Variants in RNF2 observed in about 807,000 individuals in gnomAD.
The protein encoded by RNF2 is E3 ubiquitin-protein ligase RING2.
RNF2 carries 6 observed loss-of-function variants against 37.2 expected under a neutral mutation model. That is an observed-to-expected ratio of 0.16 (90% CI 0.09 to 0.32). RNF2 has a LOEUF of 0.32. Ranked by LOEUF, RNF2 falls within the 10% of genes least tolerant of loss-of-function variation. RNF2 has a pLI of 1.00. For missense variants in RNF2, 251 were observed against 404.0 expected (o/e 0.62, Z 3.25); for synonymous variants, 133 against 132.7 (o/e 1.00, Z -0.02).
At chr1:185,089,705 T>C (rs1651711026) in intron 2 of RNF2, among the ~76,000 whole-genome samples, 1 of 152,010 alleles carries the variant, frequency 6.6e-6, no homozygotes, top group Non-Finnish European at 1.5e-5. Flanking sequence ...TGGAGACCAA[T>C]GTGAAATTGA....
rs530025697 is a variant in RNF2, at chr1:185,054,598, G to A, written c.-3+8949G>A. ...GCGGCCGCCAGGACCCCGAGGCCAC[G>A]CCTCTAGAGGCGGGGCCTGAATTCC... is the stretch of plus-strand genomic sequence containing the variant. On this transcript the variant is annotated intron_variant, in intron 1 of 6. Transcript: ENST00000367510. Among the ~76,000 whole-genome samples the A allele has an allele frequency of 4.3e-3, 648 of 152,320 alleles. 2 individuals carry two copies. Among genetic ancestry groups the A allele is most frequent in the Middle Eastern group, 6.8e-3 (2 of 294 alleles).
chr1:185,077,717 T>G (rs1367529523), intron 1 of RNF2, among the ~76,000 whole-genome samples: 1 of 149,084 alleles, frequency 6.7e-6, no homozygotes, highest in Admixed American at 6.7e-5. Context: ...TTTGTTTTGT[T>G]TTTTTTTTTT....
intron 1 of RNF2, among the ~76,000 whole-genome samples, chr1:185,077,807 A>G (rs1651221073): frequency 1.4e-5 from 2 of 146,526 alleles, no homozygotes; most frequent in South Asian, 2.1e-4. Flanking sequence ...TCTAATTTCT[A>G]ATGCCTGATT....
At chr1:185,059,235 A>G (rs1444737841) in intron 1 of RNF2, among the ~76,000 whole-genome samples, 1 of 151,774 alleles carries the variant, frequency 6.6e-6, no homozygotes, top group Non-Finnish European at 1.5e-5. Flanking sequence ...GATTAAAAAA[A>G]AAAAACCTCC....
At chr1:185,094,863 A>G (rs1271503126) in intron 4 of RNF2, among the ~76,000 whole-genome samples, 1 of 152,158 alleles carries the variant, frequency 6.6e-6, no homozygotes, top group African/African-American at 2.4e-5. Flanking sequence ...ATAGAAGGAG[A>G]TAATAGTAAA....
intron 1 of RNF2, among the ~76,000 whole-genome samples, chr1:185,081,171 TCAACA>T: frequency 6.6e-6 from 1 of 152,298 alleles, no homozygotes; most frequent in East Asian, 1.9e-4. Context: ...ACCATTACAG[TCAACA>T]CATTTTTGCC....
intron 1 of RNF2, among the ~76,000 whole-genome samples, chr1:185,061,312 A>G (rs909470524): frequency 6.6e-6 from 1 of 151,658 alleles, no homozygotes; most frequent in African/African-American, 2.4e-5. Flanking sequence ...TATTTTTAGT[A>G]GAGACGGGGT....
chr1:185,065,636 C>T (rs142628125), intron 1 of RNF2, among the ~76,000 whole-genome samples: 40 of 152,220 alleles, frequency 2.6e-4, no homozygotes, highest in African/African-American at 8.9e-4. Flanking sequence ...CTGAAGTCAG[C>T]GAGACCACTA....
In RNF2 at chr1:185,098,090, A is replaced by G. The variant is rs1651963674; in HGVS notation, c.483A>G (p.Lys161=). ...QAMNRLQRGK[K]QQIENGSGAE... is the part of the protein sequence containing the mutation. ...TGACTAGACTGCAGCGAGGCAAGAA[A>G]CAACAGATTGAAAATGGTAGTGGAG... Residue 161 remains lysine (K), a synonymous_variant, in exon 5 of 7, where the codon AAA becomes AAG. Coordinates refer to ENST00000367510, the MANE Select transcript of RNF2 (RefSeq NM_007212.4). 12 of 1,614,146 alleles carry G rather than the reference A, an allele frequency of 7.4e-6. No homozygotes were observed. The highest frequency in any genetic ancestry group is 2.2e-5 in the East Asian group (1 of 44,872).
At chr1:185,086,228 G>A (rs1651597073) in intron 1 of RNF2, among the ~76,000 whole-genome samples, 1 of 151,986 alleles carries the variant, frequency 6.6e-6, no homozygotes, top group Admixed American at 6.6e-5. Flanking sequence ...CTTATCGATT[G>A]TTGTTTATCT....
chr1:185,084,246 T>C (rs563004558), intron 1 of RNF2, among the ~76,000 whole-genome samples: 1 of 152,252 alleles, frequency 6.6e-6, no homozygotes, highest in East Asian at 1.9e-4. Context: ...GCTTTAATTG[T>C]TAGCTCAGCC....
intron 1 of RNF2, among the ~76,000 whole-genome samples, chr1:185,057,025 T>G (rs1199228402): frequency 6.6e-6 from 1 of 152,106 alleles, no homozygotes; most frequent in African/African-American, 2.4e-5. Flanking sequence ...TTTTAAAACC[T>G]GGGCTGGGTG....
chr1:185,079,079 C>CTTTTTTTTTTTTTTTTTT (rs58085875), intron 1 of RNF2, among the ~76,000 whole-genome samples: 1 of 130,382 alleles, frequency 7.7e-6, no homozygotes, highest in Non-Finnish European at 1.7e-5. Flanking sequence ...TAGATCTTTT[C>CTTTTTTTTTTTTTTTTTT]TTTTTTTTTT....
intron 1 of RNF2, among the ~76,000 whole-genome samples, chr1:185,087,174 C>G (rs1274607094): frequency 6.6e-6 from 1 of 152,150 alleles, no homozygotes; most frequent in Non-Finnish European, 1.5e-5. Context: ...ATCCATTTAG[C>G]CTGCTATAAA....
chr1:185,052,043 C>T (rs1169548341), intron 1 of RNF2, among the ~76,000 whole-genome samples: 1 of 151,754 alleles, frequency 6.6e-6, no homozygotes, highest in African/African-American at 2.4e-5. Context: ...CAGTGTTAGC[C>T]TTCCCTGCCA....
In RNF2 at chr1:185,089,856, C is replaced by T. The variant is rs180898965; in HGVS notation, c.88-1723C>T. Reference sequence around the variant, plus strand: ...GCCAGCCTGGCCAACATGGTGAAACCCTGTCTCTACTAAAAGTACAAAAAA... The same window carrying T: ...GCCAGCCTGGCCAACATGGTGAAACTCTGTCTCTACTAAAAGTACAAAAAA... On this transcript the variant is annotated intron_variant, in intron 2 of 6. Transcript: ENST00000367510. 3.2e-3 allele frequency among the ~76,000 whole-genome samples: 483 copies of T among 151,898 alleles called. 3 individuals carry two copies. Among genetic ancestry groups the T allele is most frequent in the African/African-American group, 0.011 (457 of 41,478 alleles).
Position 185,070,785 on chromosome 1 carries a change from C to T in RNF2, c.-2-16767C>T, listed in dbSNP as rs189102234. On this transcript the variant is annotated intron_variant, in intron 1 of 6. Coordinates refer to ENST00000367510, the MANE Select transcript of RNF2 (RefSeq NM_007212.4). ...TCCCGAGTAGCTGGGACTGCAGGTG[C>T]CCGCCACCTCGCCGGCTCATTTTTT... Among the ~76,000 whole-genome samples, 866 of 152,026 alleles carry T rather than the reference C, an allele frequency of 5.7e-3. 14 individuals are homozygous for T. The highest frequency in any genetic ancestry group is 0.02 in the African/African-American group (810 of 41,446).
At chr1:185,081,242 G>A (rs768483949) in intron 1 of RNF2, among the ~76,000 whole-genome samples, 1 of 152,102 alleles carries the variant, frequency 6.6e-6, no homozygotes, top group Admixed American at 6.6e-5. Flanking sequence ...TTTGGGATTC[G>A]ATGAACTCTT....
At chr1:185,057,819 A>G (rs868054974) in intron 1 of RNF2, among the ~76,000 whole-genome samples, 1 of 150,982 alleles carries the variant, frequency 6.6e-6, no homozygotes. Flanking sequence ...AAAAAAAAAA[A>G]CAGTAAAACA....
Sources: gnomAD v4.1 joint callset for allele counts (sites outside exome capture counted in the v4.1 genomes callset) on GRCh38, gnomAD v4.1.1 for gene constraint, MANE v1.5 for transcripts, NCBI Gene and HGNC (gene_info 2026-07-23, HGNC 2026-07-21) for gene names.